VPS13B: variants seen among roughly 807,000 people sequenced by gnomAD.
VPS13B encodes vacuolar protein sorting 13 homolog B.
A neutral mutation model predicts 426.4 loss-of-function variants in VPS13B; 285 were observed. That is an observed-to-expected ratio of 0.67 (90% CI 0.61 to 0.74). VPS13B has a LOEUF of 0.74. VPS13B is among the 30% of genes least tolerant of loss of function. VPS13B has a pLI of 0.00. For missense variants in VPS13B, 4,537 were observed against 4,782.6 expected (o/e 0.95, Z 1.51); for synonymous variants, 1,676 against 1,676.4 (o/e 1.00, Z 0.01).
chr8:99,193,742 T>C (rs1003488597), intron 17 of VPS13B, among the ~76,000 whole-genome samples: 1 of 152,188 alleles, frequency 6.6e-6, no homozygotes, highest in Non-Finnish European at 1.5e-5. Flanking sequence ...ACTTTTGTTC[T>C]TATATGATGC....
intron 5 of VPS13B, among the ~76,000 whole-genome samples, chr8:99,108,955 G>A (rs1205566124): frequency 1.3e-5 from 2 of 152,166 alleles, no homozygotes; most frequent in South Asian, 2.1e-4. Context: ...TTAAATGTTT[G>A]GTAGAATATG....
intron 36 of VPS13B, among the ~76,000 whole-genome samples, chr8:99,714,255 T>C (rs754160829): frequency 8.5e-5 from 13 of 152,076 alleles, no homozygotes; most frequent in Non-Finnish European, 1.6e-4. Flanking sequence ...ATGATAGTAT[T>C]GGATTATAAC....
intron 19 of VPS13B, among the ~76,000 whole-genome samples, chr8:99,344,040 C>T (rs1811395161): frequency 1.3e-5 from 2 of 152,150 alleles, no homozygotes; most frequent in Non-Finnish European, 1.5e-5. Flanking sequence ...ATGACGATAT[C>T]CAACTCTCTG....
chr8:99,580,816 C>T (rs1826014598), intron 33 of VPS13B, among the ~76,000 whole-genome samples: 1 of 151,800 alleles, frequency 6.6e-6, no homozygotes, highest in Non-Finnish European at 1.5e-5. Flanking sequence ...GGTGCCACTC[C>T]ACTCCAGCAT....
intron 39 of VPS13B, among the ~76,000 whole-genome samples, chr8:99,726,715 C>T (rs1478305962): frequency 6.6e-6 from 1 of 152,068 alleles, no homozygotes; most frequent in Non-Finnish European, 1.5e-5. Flanking sequence ...TTAGCCACAC[C>T]TGGCTAATTT....
intron 35 of VPS13B, among the ~76,000 whole-genome samples, chr8:99,686,267 G>A (rs1831394401): frequency 6.6e-6 from 1 of 152,178 alleles, no homozygotes; most frequent in Admixed American, 6.5e-5. Flanking sequence ...GGTAACACAA[G>A]CACCGTGGCC....
intron 36 of VPS13B, among the ~76,000 whole-genome samples, chr8:99,716,021 G>A (rs1832903433): frequency 1.3e-5 from 2 of 151,996 alleles, no homozygotes; most frequent in Non-Finnish European, 1.5e-5. Flanking sequence ...TAGACTAAGT[G>A]GAAGCTTTGA....
chr8:99,798,775 C>A (rs1812989686), intron 43 of VPS13B, among the ~76,000 whole-genome samples: 2 of 152,286 alleles, frequency 1.3e-5, no homozygotes, highest in African/African-American at 2.4e-5. Context: ...CACTCAAAGC[C>A]TTTTCACAAG....
chr8:99,144,468 A>C (rs1034644540), intron 13 of VPS13B, among the ~76,000 whole-genome samples: 1 of 151,394 alleles, frequency 6.6e-6, no homozygotes, highest in Non-Finnish European at 1.5e-5. Flanking sequence ...CAGCCTGGCC[A>C]ACACAACAAG....
chr8:99,627,582 C>T (rs1291069924), intron 33 of VPS13B, among the ~76,000 whole-genome samples: 2 of 152,040 alleles, frequency 1.3e-5, no homozygotes, highest in Non-Finnish European at 2.9e-5. Context: ...TGGGGTTTCA[C>T]CATGTTGGCC....
intron 19 of VPS13B, among the ~76,000 whole-genome samples, chr8:99,381,567 G>C (rs551060066): frequency 7.9e-5 from 12 of 152,202 alleles, no homozygotes; most frequent in African/African-American, 2.6e-4. Flanking sequence ...GCCAACATCT[G>C]TTATTTTTTG....
chr8:99,044,359 A>T (rs932903641), intron 3 of VPS13B, among the ~76,000 whole-genome samples: 1 of 151,756 alleles, frequency 6.6e-6, no homozygotes, highest in Non-Finnish European at 1.5e-5. Flanking sequence ...CTGAGATTAC[A>T]GGCTTGAGCC....
chr8:99,555,577 T>G (rs1824515417), intron 30 of VPS13B, among the ~76,000 whole-genome samples: 1 of 152,148 alleles, frequency 6.6e-6, no homozygotes, highest in Non-Finnish European at 1.5e-5. Flanking sequence ...CTTTAAAACT[T>G]TTCTGAACCA....
chr8:99,563,573 A>G (rs937569555), intron 31 of VPS13B, among the ~76,000 whole-genome samples: 2 of 152,232 alleles, frequency 1.3e-5, no homozygotes, highest in African/African-American at 2.4e-5. Flanking sequence ...GTGGGGTTTC[A>G]GAGAAGGTTT....
intron 19 of VPS13B, among the ~76,000 whole-genome samples, chr8:99,380,898 A>AAAC (rs1563698154): frequency 6.6e-5 from 10 of 151,314 alleles, no homozygotes; most frequent in African/African-American, 2.2e-4. Context: ...TTTAAAAAAA[A>AAAC]AAGACTTTTA....
chr8:99,713,722 A>T (rs1340442590), intron 36 of VPS13B, among the ~76,000 whole-genome samples: 2 of 152,242 alleles, frequency 1.3e-5, no homozygotes, highest in Non-Finnish European at 2.9e-5. Flanking sequence ...GTTTCTAGAT[A>T]CCATTCTTCA....
chr8:99,109,496 C>T (rs931719035), intron 5 of VPS13B, among the ~76,000 whole-genome samples: 1 of 151,716 alleles, frequency 6.6e-6, no homozygotes, highest in Non-Finnish European at 1.5e-5. Context: ...CATTCTTGTG[C>T]CTCAGTCACC....
chr8:99,648,548 G>A (rs1372345555), intron 34 of VPS13B, among the ~76,000 whole-genome samples: 3 of 152,038 alleles, frequency 2.0e-5, no homozygotes, highest in Non-Finnish European at 4.4e-5. Context: ...ATATATTTTA[G>A]TGGTTGCTCT....
intron 8 of VPS13B, among the ~76,000 whole-genome samples, chr8:99,130,351 T>A (rs1281059291): frequency 5.3e-5 from 8 of 151,380 alleles, no homozygotes; most frequent in Non-Finnish European, 8.8e-5. Context: ...AGCATTTTTC[T>A]AAGAATGTTT....
Sources: gnomAD v4.1 joint callset for allele counts (sites outside exome capture counted in the v4.1 genomes callset) on GRCh38, gnomAD v4.1.1 for gene constraint, MANE v1.5 for transcripts, NCBI Gene and HGNC (gene_info 2026-07-23, HGNC 2026-07-21) for gene names.